The following CNTNAP4 variants were observed in gnomAD, a reference collection of about 807,000 sequenced individuals.
CNTNAP4 encodes the protein contactin associated protein family member 4.
In CNTNAP4, 98 loss-of-function variants were observed where a neutral mutation model predicts 148.4. The observed-to-expected ratio is 0.66, with a 90% CI of 0.56 to 0.78. CNTNAP4 has a LOEUF of 0.78. Among genes scored for constraint, CNTNAP4 ranks in the 30% least tolerant of loss-of-function variants. CNTNAP4 has a pLI of 0.00. For missense variants in CNTNAP4, 1,935 were observed against 1,565.6 expected (o/e 1.24, Z -3.98); for synonymous variants, 730 against 565.1 (o/e 1.29, Z -4.14).
At chr16:76,545,864 CA>C (rs753313484) in intron 21 of CNTNAP4, among the ~76,000 whole-genome samples, 2 of 151,976 alleles carry the variant, frequency 1.3e-5, no homozygotes, top group African/African-American at 2.4e-5. Context: ...GGTGAAGCCC[CA>C]TCTCTACTAA....
At chr16:76,551,460 C>G (rs1202368484) in intron 21 of CNTNAP4, among the ~76,000 whole-genome samples, 1 of 151,062 alleles carries the variant, frequency 6.6e-6, no homozygotes, top group African/African-American at 2.4e-5. Context: ...AAGTCTAGCT[C>G]TCAAGCAAAG....
At chr16:76,396,133 C>T (rs1419065566) in intron 3 of CNTNAP4, among the ~76,000 whole-genome samples, 3 of 152,196 alleles carry the variant, frequency 2.0e-5, no homozygotes, top group South Asian at 4.1e-4. Flanking sequence ...TTATAAATGA[C>T]TTTGGGATGT....
intron 1 of CNTNAP4, among the ~76,000 whole-genome samples, chr16:76,313,093 G>A (rs1420771072): frequency 6.6e-6 from 1 of 151,998 alleles, no homozygotes; most frequent in Non-Finnish European, 1.5e-5. Context: ...CATATTACAT[G>A]TCTTTCTCCC....
intron 2 of CNTNAP4, among the ~76,000 whole-genome samples, chr16:76,326,154 G>A (rs1470366117): frequency 6.6e-6 from 1 of 152,144 alleles, no homozygotes; most frequent in Non-Finnish European, 1.5e-5. Context: ...ATACCAAACA[G>A]TGTCAAGGAC....
intron 10 of CNTNAP4, among the ~76,000 whole-genome samples, chr16:76,469,305 G>T (rs2143524318): frequency 1.3e-5 from 2 of 152,318 alleles, no homozygotes; most frequent in Middle Eastern, 6.8e-3. Context: ...GGGATTGAAT[G>T]ACTTTTGGGT....
chr16:76,281,490 A>G (rs1025188864), intron 1 of CNTNAP4, among the ~76,000 whole-genome samples: 2 of 152,122 alleles, frequency 1.3e-5, no homozygotes, highest in Admixed American at 1.3e-4. Context: ...TCATGGGCCA[A>G]CATGGGGATC....
chr16:76,501,490 A>T (rs1389986178), intron 15 of CNTNAP4, among the ~76,000 whole-genome samples: 1 of 152,160 alleles, frequency 6.6e-6, no homozygotes, highest in Non-Finnish European at 1.5e-5. Flanking sequence ...AGCACACAAC[A>T]TCATTCCACT....
chr16:76,356,171 A>G (rs753606124), intron 3 of CNTNAP4, among the ~76,000 whole-genome samples: 4 of 152,126 alleles, frequency 2.6e-5, no homozygotes, highest in African/African-American at 7.2e-5. Context: ...CACTGAGCCC[A>G]GCCTGCATTG....
intron 21 of CNTNAP4, among the ~76,000 whole-genome samples, chr16:76,551,310 A>G (rs960820194): frequency 4.6e-5 from 7 of 151,824 alleles, no homozygotes; most frequent in African/African-American, 1.7e-4. Flanking sequence ...AGGCAGGAGA[A>G]TTACTTGAGC....
intron 1 of CNTNAP4, among the ~76,000 whole-genome samples, chr16:76,288,595 C>T (rs1958984666): frequency 6.6e-6 from 1 of 152,160 alleles, no homozygotes; most frequent in Non-Finnish European, 1.5e-5. Context: ...CAAATGTTTG[C>T]TTATTCCTGC....
Position 76,495,060 on chromosome 16 carries a change from A to T in CNTNAP4, c.2231A>T (p.Asn744Ile). 3 of 1,612,802 alleles carry T rather than the reference A, an allele frequency of 1.9e-6. No homozygotes were observed. Among genetic ancestry groups the T allele is most frequent in the Non-Finnish European group, 2.5e-6 (3 of 1,179,200 alleles). ...TACTGCAATTGTGATGCTGACCGGA[A>T]TGAATGGTGATTTCCATATGATTTC... The part of the protein sequence containing the change: ...QYYCNCDADR[N>I]EWTNDTGLLA... Residue 744 changes from asparagine (N) to isoleucine (I), a missense_variant, in exon 14 of 24, where the codon AAT becomes ATT. Asn to Ile is a moderately radical substitution (Grantham distance 149, BLOSUM62 -3). Transcript: ENST00000611870.
chr16:76,354,976 A>G (rs936175908), intron 2 of CNTNAP4, among the ~76,000 whole-genome samples: 2 of 152,234 alleles, frequency 1.3e-5, no homozygotes, highest in Admixed American at 1.3e-4. Flanking sequence ...GGGGTAGCAG[A>G]GCACACCATT....
chr16:76,295,317 G>A (rs1359738262), intron 1 of CNTNAP4, among the ~76,000 whole-genome samples: 1 of 152,222 alleles, frequency 6.6e-6, no homozygotes, highest in Non-Finnish European at 1.5e-5. Flanking sequence ...ATGTTCAGAA[G>A]TGGCCAGGTC....
chr16:76,309,282 C>G (rs555543045), intron 1 of CNTNAP4, among the ~76,000 whole-genome samples: 11 of 151,960 alleles, frequency 7.2e-5, no homozygotes, highest in African/African-American at 1.2e-4. Flanking sequence ...ATAAATGATG[C>G]CCACCCAAAG....
At chr16:76,318,091 G>A (rs1961997982) in intron 2 of CNTNAP4, among the ~76,000 whole-genome samples, 1 of 152,122 alleles carries the variant, frequency 6.6e-6, no homozygotes, top group Non-Finnish European at 1.5e-5. Context: ...CTCTCTGATG[G>A]CCATTCCAGG....
At chr16:76,503,853 T>C (rs2082741205) in intron 15 of CNTNAP4, among the ~76,000 whole-genome samples, 2 of 152,168 alleles carry the variant, frequency 1.3e-5, no homozygotes, top group African/African-American at 4.8e-5. Flanking sequence ...TATATGCTAA[T>C]GATAAAAAAT....
At chr16:76,506,517 G>T (rs112479407) in intron 15 of CNTNAP4, among the ~76,000 whole-genome samples, 20,401 of 56,878 alleles carry the variant, frequency 0.36, 8,394 homozygotes, top group East Asian at 0.82. Context: ...ATTGCCCTCT[G>T]TTGCCCCGGC....
At chr16:76,433,426 T>A (rs570652714) in intron 4 of CNTNAP4, among the ~76,000 whole-genome samples, 1 of 152,162 alleles carries the variant, frequency 6.6e-6, no homozygotes, top group Non-Finnish European at 1.5e-5. Flanking sequence ...TCAATCATTT[T>A]AAAACATATT....
chr16:76,284,565 T>C (rs1419449676), intron 1 of CNTNAP4, among the ~76,000 whole-genome samples: 1 of 151,976 alleles, frequency 6.6e-6, no homozygotes, highest in Non-Finnish European at 1.5e-5. Context: ...GGGTTTAAAA[T>C]CTTAAGAAAT....
Sources: allele counts gnomAD v4.1 joint callset (sites outside exome capture counted in the v4.1 genomes callset), GRCh38; gene constraint gnomAD v4.1.1; transcripts MANE v1.5; gene names NCBI Gene and HGNC (gene_info 2026-07-23, HGNC 2026-07-21).